INSIG2: variants seen among roughly 807,000 people sequenced by gnomAD.
INSIG2 encodes insulin-induced gene 2 protein.
Under a neutral mutation model 27.2 loss-of-function variants are expected in INSIG2, and 10 were observed. The observed-to-expected ratio is 0.37, with a 90% CI of 0.23 to 0.62. The LOEUF (loss-of-function observed/expected upper bound fraction) is 0.62. Among genes scored for constraint, INSIG2 ranks in the 20% least tolerant of loss-of-function variants. INSIG2 has a pLI of 0.65. For synonymous variants in INSIG2, 97 were observed against 95.8 expected, an observed-to-expected ratio of 1.01 and a Z score of -0.07; for missense variants, 178 against 270.2, an observed-to-expected ratio of 0.66 and a Z score of 2.39.
intron 1 of INSIG2, among the ~76,000 whole-genome samples, chr2:118,091,065 A>C (rs1678213742): frequency 6.6e-6 from 1 of 152,184 alleles, no homozygotes; most frequent in South Asian, 2.1e-4. Context: ...AAAATTTTGG[A>C]GCATCAAGTT....
intron 1 of INSIG2, among the ~76,000 whole-genome samples, chr2:118,093,497 A>AGAT (rs528407055): frequency 0.013 from 8 of 620 alleles, no homozygotes; most frequent in African/African-American, 0.021. Flanking sequence ...AAAAGCAACC[A>AGAT]GATGATGATG....
At chr2:118,103,055 T>C in intron 2 of INSIG2, 142 bp from the exon 3 acceptor site, 1 of 708,248 alleles carries the variant, frequency 1.4e-6, no homozygotes, top group Non-Finnish European at 2.3e-6. Flanking sequence ...ATATCGGTGA[T>C]TGATGTGAAA....
chr2:118,097,602 T>C (rs112227498), intron 2 of INSIG2, among the ~76,000 whole-genome samples: 10 of 152,208 alleles, frequency 6.6e-5, no homozygotes, highest in Non-Finnish European at 1.2e-4. Context: ...ACTTTATTGC[T>C]GCCATACTTC....
At chr2:118,100,331 C>G (rs1678509928) in intron 2 of INSIG2, among the ~76,000 whole-genome samples, 1 of 146,246 alleles carries the variant, frequency 6.8e-6, no homozygotes, top group Non-Finnish European at 1.5e-5. Flanking sequence ...TTAATTGTTT[C>G]TGTGGTCACT....
intron 1 of INSIG2, among the ~76,000 whole-genome samples, chr2:118,089,161 G>C (rs1350416928): frequency 6.6e-6 from 1 of 152,156 alleles, no homozygotes; most frequent in Non-Finnish European, 1.5e-5. Context: ...GTGGGGATTG[G>C]CAATATGGAG....
chr2:118,108,173 G>T (rs1029376714), intron 5 of INSIG2, 108 bp from the exon 6 acceptor site: 16 of 657,792 alleles, frequency 2.4e-5, no homozygotes, highest in Non-Finnish European at 3.1e-5. Flanking sequence ...GGAATAAATG[G>T]GCACATAGTA....
intron 2 of INSIG2, 66 bp from the exon 3 acceptor site, chr2:118,103,131 C>G: frequency 3.3e-6 from 4 of 1,221,704 alleles, no homozygotes; most frequent in East Asian, 3.0e-5. Flanking sequence ...TGTAGTGATT[C>G]TTTTAGCTTA....
chr2:118,097,283 C>T (rs1678432643), intron 2 of INSIG2, among the ~76,000 whole-genome samples: 1 of 152,168 alleles, frequency 6.6e-6, no homozygotes, highest in African/African-American at 2.4e-5. Flanking sequence ...CCCATCTCAT[C>T]TAAGTGTTAT....
intron 1 of INSIG2, among the ~76,000 whole-genome samples, chr2:118,094,156 A>G (rs71338922): frequency 1.5e-5 from 2 of 137,780 alleles, no homozygotes; most frequent in Non-Finnish European, 3.1e-5. Context: ...ACCTTGCTAA[A>G]AGCAACCAGA....
At chr2:118,105,054 T>C (rs1323784632) in intron 3 of INSIG2, among the ~76,000 whole-genome samples, 1 of 152,192 alleles carries the variant, frequency 6.6e-6, no homozygotes, top group Non-Finnish European at 1.5e-5. Context: ...ATTTTTTTAT[T>C]TTTTGAGACG....
At chr2:118,102,395 A>C (rs1030196471) in intron 2 of INSIG2, 3 of 152,240 alleles carry the variant, frequency 2.0e-5, no homozygotes, top group Admixed American at 6.5e-5. Context: ...ATGACACAAC[A>C]TTCAAAGTGT....
chr2:118,098,266 AG>A lies in INSIG2; in HGVS notation c.244+1468del, dbSNP rs146635850. 6.9e-3 allele frequency among the ~76,000 whole-genome samples: 1,044 copies of A among 152,302 alleles called. 14 individuals are homozygous for A. The highest frequency in any genetic ancestry group is 0.024 in the African/African-American group (979 of 41,552). ...CATGGAAGAGCATACATGTCTTTTC[AG>A]GATAGAACAGAGGGAAGGGAAACTG... On this transcript the variant is annotated intron_variant, in intron 2 of 5. Transcript: ENST00000245787.
intron 1 of INSIG2, among the ~76,000 whole-genome samples, chr2:118,091,504 A>C (rs530132606): frequency 1.3e-5 from 2 of 152,316 alleles, no homozygotes; most frequent in South Asian, 4.1e-4. Flanking sequence ...AGTACTTTAT[A>C]TAAATTATGG....
chr2:118,091,043 AG>A (rs1678212645), intron 1 of INSIG2, among the ~76,000 whole-genome samples: 1 of 152,230 alleles, frequency 6.6e-6, no homozygotes, highest in Non-Finnish European at 1.5e-5. Context: ...TTTCAAATAT[AG>A]ATTTTTAAAA....
At chr2:118,095,518 CAT>C (rs1432967469) in intron 1 of INSIG2, among the ~76,000 whole-genome samples, 4 of 152,306 alleles carry the variant, frequency 2.6e-5, no homozygotes, top group South Asian at 2.1e-4. Context: ...TGAATTACCA[CAT>C]GTCAGGTGCT....
chr2:118,092,943 T>TGAG (rs1403776642), intron 1 of INSIG2, among the ~76,000 whole-genome samples: 8 of 138,722 alleles, frequency 5.8e-5, no homozygotes, highest in African/African-American at 2.2e-4. Context: ...ATTATGATGA[T>TGAG]GATGAGGAGG....
chr2:118,108,301 A>G lies in INSIG2; in HGVS notation c.657A>G (p.Ala219=). The change falls in exon 6 of 6, where the codon GCA becomes GCG. Residue 219 remains alanine, a synonymous_variant. Coordinates refer to ENST00000245787, the MANE Select transcript of INSIG2 (RefSeq NM_016133.4). The stretch of plus-strand genomic sequence containing the variant: ...TGCAGTACGAATGTAAAGTTATCGC[A>G]GAAAAATCTCATCAGGAATGAAGAA... ...QLAMYECKVI[A]EKSHQE The G allele has an allele frequency of 6.3e-7, 1 of 1,596,162 alleles. No homozygotes were observed. Among genetic ancestry groups the G allele is most frequent in the Non-Finnish European group, 8.5e-7 (1 of 1,171,810 alleles).
chr2:118,091,508 A>G (rs1483737967), intron 1 of INSIG2, among the ~76,000 whole-genome samples: 1 of 152,206 alleles, frequency 6.6e-6, no homozygotes, highest in East Asian at 1.9e-4. Flanking sequence ...CTTTATATAA[A>G]TTATGGAACT....
intron 1 of INSIG2, among the ~76,000 whole-genome samples, chr2:118,089,621 A>T (rs1678179603): frequency 6.6e-6 from 1 of 152,174 alleles, no homozygotes; most frequent in Non-Finnish European, 1.5e-5. Context: ...TCTGTCTTTC[A>T]TTCTTTCCCT....
Sources: gnomAD v4.1 joint callset for allele counts (sites outside exome capture counted in the v4.1 genomes callset) on GRCh38, gnomAD v4.1.1 for gene constraint, MANE v1.5 for transcripts, NCBI Gene and HGNC (gene_info 2026-07-23, HGNC 2026-07-21) for gene names.